The following SPART variants were observed in gnomAD, a reference collection of about 807,000 sequenced individuals.
SPART encodes the protein spartin, also known as spastic paraplegia 20 (Troyer syndrome).
SPART carries 35 observed loss-of-function variants against 58.7 expected under a neutral mutation model. The observed-to-expected ratio is 0.60, with a 90% confidence interval of 0.46 to 0.79. The LOEUF (loss-of-function observed/expected upper bound fraction) is 0.79, where lower values mean the gene tolerates loss of function less well. Ranked by LOEUF, SPART falls within the 30% of genes least tolerant of loss-of-function variation. The pLI, the probability that SPART is intolerant of heterozygous loss-of-function variation, is 0.00. For missense variants in SPART, 730 were observed against 786.1 expected, an observed-to-expected ratio of 0.93 and a Z score of 0.85; for synonymous variants, 284 against 280.7, an observed-to-expected ratio of 1.01 and a Z score of -0.12.
intron 1 of SPART, among the ~76,000 whole-genome samples, chr13:36,363,196 G>A (rs1405360870): frequency 6.6e-6 from 1 of 152,172 alleles, no homozygotes; most frequent in Non-Finnish European, 1.5e-5. Context: ...GTCTAAAGAT[G>A]AGTAATGATT....
rs143972154 is a variant in SPART at position 36,316,782 on chromosome 13, G to A, written c.1289-2361C>T. Among the ~76,000 whole-genome samples the A allele has an allele frequency of 3.7e-3, 570 of 152,268 alleles. 14 individuals carry two copies. Among genetic ancestry groups the A allele is most frequent in the Admixed American group, 0.031 (480 of 15,290 alleles). Reference sequence around the variant, plus strand: ...ACAGACGCGCATGAAATTTGGTGCCGTGACTCGGATCAGGGGACCTCCCTT... The same window carrying A: ...ACAGACGCGCATGAAATTTGGTGCCATGACTCGGATCAGGGGACCTCCCTT... On this transcript the variant is annotated intron_variant, in intron 5 of 8. Transcript: ENST00000438666.
At chr13:36,366,952 C>T (rs112915776) in intron 1 of SPART, among the ~76,000 whole-genome samples, 66 of 152,262 alleles carry the variant, frequency 4.3e-4, no homozygotes, top group African/African-American at 1.4e-3. Context: ...ATAGACATGC[C>T]ATTCTTCTAA....
Position 36,304,096 on chromosome 13 carries a change from A to G in SPART, c.*269T>C. ...AGGTTTGAACAACACATGTACTATC[A>G]GCTTTATTTTACCTGCAAAAATATT... On this transcript the variant is annotated 3_prime_UTR_variant, in exon 9 of 9. Coordinates refer to ENST00000438666, the MANE Select transcript of SPART (RefSeq NM_015087.5). 3 of 507,182 alleles carry G rather than the reference A, an allele frequency of 5.9e-6. No homozygotes were observed. Among genetic ancestry groups the G allele is most frequent in the East Asian group, 3.7e-5 (1 of 27,186 alleles). The allele number at this position is 507,182 out of a possible 1,614,324, so 31.4% of individuals were successfully genotyped here. A position where few individuals can be genotyped will look rare whatever the true frequency, so the allele number is the denominator to read the frequency against.
intron 1 of SPART, among the ~76,000 whole-genome samples, chr13:36,340,094 C>A (rs1309141124): frequency 3.3e-5 from 5 of 150,696 alleles, no homozygotes; most frequent in African/African-American, 1.2e-4. Context: ...AATAAAAAAA[C>A]CAATGGGCAA....
intron 1 of SPART, among the ~76,000 whole-genome samples, chr13:36,341,926 A>G (rs1884624012): frequency 6.6e-6 from 1 of 152,222 alleles, no homozygotes; most frequent in South Asian, 2.1e-4. Context: ...AGATTGCCAC[A>G]TCTTTCCAAA....
At chr13:36,362,846 T>C (rs1363152823) in intron 1 of SPART, among the ~76,000 whole-genome samples, 1 of 152,150 alleles carries the variant, frequency 6.6e-6, no homozygotes, top group African/African-American at 2.4e-5. Context: ...AATTAATACC[T>C]TATTCCACTG....
intron 8 of SPART, among the ~76,000 whole-genome samples, chr13:36,310,265 T>C (rs954327673): frequency 1.3e-5 from 2 of 152,182 alleles, no homozygotes; most frequent in African/African-American, 4.8e-5. Context: ...TTGTGAATAC[T>C]ATCAATATTG....
In SPART at chr13:36,335,134, CA is replaced by C. The variant is rs770560051; in HGVS notation, c.696del (p.Phe232LeufsTer2). 5.2e-5 allele frequency: 84 copies of C among 1,613,664 alleles called. No homozygotes were observed. The highest frequency in any genetic ancestry group is 6.9e-5 in the Non-Finnish European group (82 of 1,179,874). ...ILIPNGVQIF[F>X]VNPAGEVSAP... ...GCACTAACCTCCCCTGCAGGATTTA[CA>C]AAAAAAATCTGTACTCCATTTGGTA... On this transcript the variant is annotated frameshift_variant, in exon 2 of 9. Coordinates refer to ENST00000438666, the MANE Select transcript of SPART (RefSeq NM_015087.5). LOFTEE classifies it high-confidence loss of function.
intron 1 of SPART, among the ~76,000 whole-genome samples, chr13:36,363,420 A>C (rs1778400962): frequency 1.3e-5 from 2 of 150,024 alleles, no homozygotes; most frequent in Admixed American, 1.3e-4. Flanking sequence ...TCTCTCTCTG[A>C]ACTCTAGAGA....
intron 1 of SPART, among the ~76,000 whole-genome samples, chr13:36,363,011 AT>A (rs200572489): frequency 2.6e-5 from 4 of 152,054 alleles, no homozygotes; most frequent in Admixed American, 6.6e-5. Context: ...TCCTCTGAAT[AT>A]TTTTTTTAAA....
intron 1 of SPART, among the ~76,000 whole-genome samples, chr13:36,369,245 G>A (rs1886182675): frequency 6.6e-6 from 1 of 152,062 alleles, no homozygotes; most frequent in African/African-American, 2.4e-5. Context: ...ATCAGAAGCT[G>A]TTGTTGAAAA....
chr13:36,335,233 C>T lies in SPART; in HGVS notation c.598G>A (p.Glu200Lys). 6.2e-7 allele frequency: 1 copy of T among 1,614,128 alleles called. No individual in the cohort carries two copies. The highest frequency in any genetic ancestry group is 8.5e-7 in the Non-Finnish European group (1 of 1,180,030). Residue 200 changes from glutamate (E) to lysine (K), a missense_variant, in exon 2 of 9, where the codon GAG becomes AAG. By Grantham distance (56) the Glu-to-Lys change is moderately conservative. Coordinates refer to ENST00000438666, the MANE Select transcript of SPART (RefSeq NM_015087.5). ...DSGEFSSVGE[E>K]FYRNHSQPPP... ...GGCTGAGAATGATTCCTATAAAACT[C>T]CTCTCCAACTGATGAAAACTCCCCA...
At chr13:36,314,527 C>G (rs1300024536) in intron 5 of SPART, 106 bp from the exon 6 acceptor site, 1 of 1,117,780 alleles carries the variant, frequency 8.9e-7, no homozygotes, top group Non-Finnish European at 1.3e-6. Flanking sequence ...GTTTGATATT[C>G]AGATGCTAAA....
At chr13:36,346,192 G>A in intron 1 of SPART, 33 bp downstream of exon 1, 1 of 140,104 alleles carries the variant, frequency 7.1e-6, no homozygotes, top group African/African-American at 2.5e-5. Context: ...CCACCCAAGG[G>A]ACCGCGCAGG....
intron 5 of SPART, among the ~76,000 whole-genome samples, chr13:36,319,467 G>A (rs1032964237): frequency 1.3e-5 from 2 of 151,694 alleles, no homozygotes. Context: ...AAAGATTAAA[G>A]CCTGTTATCA....
chr13:36,345,472 G>A (rs1885001675), intron 1 of SPART: 1 of 152,116 alleles, frequency 6.6e-6, no homozygotes, highest in Admixed American at 6.5e-5. Context: ...TATTTCAAAG[G>A]CTGTAACAAC....
Position 36,335,673 on chromosome 13 carries a change from A to C in SPART, c.158T>G (p.Leu53Arg). 2 of 1,614,178 alleles carry C rather than the reference A, an allele frequency of 1.2e-6. No homozygotes were observed. Among genetic ancestry groups the C allele is most frequent in the Non-Finnish European group, 1.7e-6 (2 of 1,180,014 alleles). ...TGATGAAATGCTGATCCCTCTGAGC[A>C]GGTGTCCTATTCCTTGCTTATAGTA... ...KNYYKQGIGHLLRGISISSKE... is the reference protein window; with the variant it reads ...KNYYKQGIGHRLRGISISSKE... Residue 53 changes from leucine to arginine, a missense_variant, in exon 2 of 9, where the codon CTG (leucine) becomes CGG (arginine). By Grantham distance (102) the Leu-to-Arg change is moderately radical. Coordinates refer to ENST00000438666, the MANE Select transcript of SPART (RefSeq NM_015087.5).
Position 36,338,232 on chromosome 13 carries a change from T to A in SPART, c.-2-2400A>T, listed in dbSNP as rs1027062500. Among the ~76,000 whole-genome samples, 5 of 152,200 alleles carry A rather than the reference T, an allele frequency of 3.3e-5. No individual in the cohort carries two copies. In the East Asian group the frequency reaches 5.8e-4, roughly 18 times the overall value. ...ATACATTTAAGATCAGGGTACTATA[T>A]GCATTTTATGTGATTCCTCAATAAA... On this transcript the variant is annotated intron_variant, in intron 1 of 8. Coordinates refer to ENST00000438666, the MANE Select transcript of SPART (RefSeq NM_015087.5).
chr13:36,365,477 G>T, intron 1 of SPART: 24 of 334,370 alleles, frequency 7.2e-5, no homozygotes, highest in Non-Finnish European at 9.7e-5. Context: ...TTTTCATTTT[G>T]TTTGTTTTTG....
Sources: gnomAD v4.1 joint callset for allele counts (sites outside exome capture counted in the v4.1 genomes callset) on GRCh38, gnomAD v4.1.1 for gene constraint, MANE v1.5 for transcripts, NCBI Gene and HGNC (gene_info 2026-07-23, HGNC 2026-07-21) for gene names.